CSMD1: variants seen among roughly 807,000 people sequenced by gnomAD.
The protein encoded by CSMD1 is CUB and sushi domain-containing protein 1.
A neutral mutation model predicts 417.5 loss-of-function variants in CSMD1; 213 were observed. That is an observed-to-expected ratio of 0.51 (90% CI 0.46 to 0.57). CSMD1 has a LOEUF of 0.57. CSMD1 is among the 20% of genes least tolerant of loss of function. The probability of loss-of-function intolerance (pLI) is 0.00; values close to 1 mark genes in which losing one functional copy is unlikely to be tolerated. For synonymous variants in CSMD1, 2,862 were observed against 1,736.8 expected (o/e 1.65, Z -16.11); for missense variants, 6,923 against 4,529.7 (o/e 1.53, Z -15.17).
chr8:3,125,661 TG>T (rs1396854648), intron 41 of CSMD1, among the ~76,000 whole-genome samples: 1 of 152,168 alleles, frequency 6.6e-6, no homozygotes, highest in Non-Finnish European at 1.5e-5. Context: ...CTATAAGAGT[TG>T]TTGTATTATC....
At chr8:3,842,652 C>G (rs755806344) in intron 5 of CSMD1, among the ~76,000 whole-genome samples, 55 of 151,740 alleles carry the variant, frequency 3.6e-4, no homozygotes, top group Non-Finnish European at 6.5e-4. Flanking sequence ...TTAGAACACT[C>G]ATAAATTATG....
chr8:4,783,926 T>C (rs1302610340), intron 1 of CSMD1, among the ~76,000 whole-genome samples: 1 of 152,234 alleles, frequency 6.6e-6, no homozygotes, highest in Non-Finnish European at 1.5e-5. Context: ...GAATAAAAGT[T>C]GGCTCAATAT....
intron 3 of CSMD1, among the ~76,000 whole-genome samples, chr8:4,139,619 G>C (rs1050539096): frequency 1.3e-5 from 2 of 151,176 alleles, no homozygotes; most frequent in South Asian, 2.1e-4. Context: ...AGCAGAGGAA[G>C]GGCATTTGGA....
intron 3 of CSMD1, among the ~76,000 whole-genome samples, chr8:4,060,979 C>G (rs753117748): frequency 6.6e-6 from 1 of 152,178 alleles, no homozygotes; most frequent in South Asian, 2.1e-4. Context: ...ATAAGACAAG[C>G]TGCTTGTGAG....
intron 2 of CSMD1, among the ~76,000 whole-genome samples, chr8:4,613,922 A>G (rs1019936878): frequency 3.0e-4 from 46 of 151,474 alleles, no homozygotes; most frequent in African/African-American, 1.1e-3. Flanking sequence ...GAAATTTAGT[A>G]GAGATAGAGA....
chr8:3,699,019 C>T (rs1448354886), intron 7 of CSMD1, among the ~76,000 whole-genome samples: 1 of 152,216 alleles, frequency 6.6e-6, no homozygotes, highest in African/African-American at 2.4e-5. Flanking sequence ...CTTGTACCCA[C>T]ATCCCACCTC....
intron 25 of CSMD1, among the ~76,000 whole-genome samples, chr8:3,289,539 C>G (rs1378922532): frequency 1.4e-5 from 2 of 145,902 alleles, no homozygotes; most frequent in South Asian, 2.1e-4. Context: ...GAGATGGTAT[C>G]TCATTGTGGT....
At chr8:3,957,209 T>C (rs57061334) in intron 5 of CSMD1, among the ~76,000 whole-genome samples, 2,444 of 152,288 alleles carry the variant, frequency 0.016, 57 homozygotes, top group African/African-American at 0.054. Context: ...TTTCTCAAAA[T>C]GAGAAGACAG....
At position 2,962,514 on chromosome 8, in the gene CSMD1, C is replaced by G. The variant is rs375652984; in HGVS notation, c.9580G>C (p.Val3194Leu). 8.7e-6 allele frequency: 14 copies of G among 1,613,876 alleles called. No individual in the cohort carries two copies. In the African/African-American group the frequency reaches 1.7e-4, roughly 20 times the overall value. ...PFILVGSSRRVCQADGTWSGI... is the reference protein window; with the variant it reads ...PFILVGSSRRLCQADGTWSGI... ...CTCCACGTGCCGTCAGCTTGGCAGACTCTTCTGGAGGATCCCACGAGTATA... is the reference window on the plus strand; with the variant it reads ...CTCCACGTGCCGTCAGCTTGGCAGAGTCTTCTGGAGGATCCCACGAGTATA... The change falls in exon 61 of 70, where the codon GTC (valine) becomes CTC (leucine). Residue 3194 changes from valine (V) to leucine (L), a missense_variant. Coordinates refer to ENST00000635120, the MANE Select transcript of CSMD1 (RefSeq NM_033225.6).
chr8:3,919,536 G>A (rs1027833417), intron 5 of CSMD1, among the ~76,000 whole-genome samples: 2 of 152,102 alleles, frequency 1.3e-5, no homozygotes, highest in African/African-American at 2.4e-5. Flanking sequence ...TATTACTGAA[G>A]ATTGGTAATA....
intron 49 of CSMD1, among the ~76,000 whole-genome samples, chr8:3,057,244 T>A (rs1812293302): frequency 6.6e-6 from 1 of 152,204 alleles, no homozygotes; most frequent in Admixed American, 6.5e-5. Flanking sequence ...AAAAACATCA[T>A]CATCTTAATG....
chr8:2,938,777 C>G (rs1413106605), intron 69 of CSMD1, 33 bp from the exon 70 acceptor site: 2 of 1,566,566 alleles, frequency 1.3e-6, no homozygotes, highest in Non-Finnish European at 1.7e-6. Context: ...CATTAGAATC[C>G]TGGTTTCATT....
intron 7 of CSMD1, among the ~76,000 whole-genome samples, chr8:3,634,842 A>G (rs928679194): frequency 6.6e-6 from 1 of 152,162 alleles, no homozygotes; most frequent in Non-Finnish European, 1.5e-5. Flanking sequence ...TTTTGCAAAC[A>G]TCACACAGTG....
Position 3,746,865 on chromosome 8 carries a change from A to G in CSMD1, c.931+7065T>C, listed in dbSNP as rs541870479. Among the ~76,000 whole-genome samples the G allele has an allele frequency of 5.3e-5, 8 of 152,320 alleles. No individual in the cohort carries two copies. The East Asian group carries it at 1.5e-3, about 29-fold the overall frequency. ...GAAGGTCAATAGGGTGGGGCTAAGA[A>G]ATTGTCATCACATGGCCAGCCCAAG... On this transcript the variant is annotated intron_variant, in intron 6 of 69. Transcript: ENST00000635120.
chr8:4,934,057 T>A (rs1418383701), intron 1 of CSMD1, among the ~76,000 whole-genome samples: 1 of 151,998 alleles, frequency 6.6e-6, no homozygotes, highest in Non-Finnish European at 1.5e-5. Context: ...CTAGCATGAA[T>A]GCAAAGAAGG....
intron 5 of CSMD1, among the ~76,000 whole-genome samples, chr8:3,958,780 G>A (rs1439051452): frequency 6.6e-6 from 1 of 152,192 alleles, no homozygotes; most frequent in South Asian, 2.1e-4. Context: ...AGTTCAAAGA[G>A]GAACGACATT....
intron 3 of CSMD1, among the ~76,000 whole-genome samples, chr8:4,288,996 A>C (rs530580318): frequency 6.6e-6 from 1 of 152,314 alleles, no homozygotes; most frequent in Non-Finnish European, 1.5e-5. Flanking sequence ...ATTTAAAAAC[A>C]CAGCACCATC....
chr8:3,448,478 G>A (rs951018066), intron 12 of CSMD1, among the ~76,000 whole-genome samples: 2 of 106,180 alleles, frequency 1.9e-5, no homozygotes, highest in African/African-American at 7.3e-5. Flanking sequence ...TGTTCTTGCT[G>A]TACAAAAAAG....
intron 3 of CSMD1, among the ~76,000 whole-genome samples, chr8:4,284,926 A>C (rs1321204272): frequency 2.6e-5 from 4 of 152,198 alleles, no homozygotes; most frequent in African/African-American, 9.6e-5. Context: ...AGGATGCACC[A>C]GTTAATTACC....
Sources: gnomAD v4.1 joint callset for allele counts (sites outside exome capture counted in the v4.1 genomes callset) on GRCh38, gnomAD v4.1.1 for gene constraint, MANE v1.5 for transcripts, NCBI Gene and HGNC (gene_info 2026-07-23, HGNC 2026-07-21) for gene names.